Variants in ANKRD26 observed in about 807,000 individuals in gnomAD.
The protein encoded by ANKRD26 is ankyrin repeat domain-containing protein 26.
Under a neutral mutation model 208.7 loss-of-function variants are expected in ANKRD26, and 141 were observed. The observed-to-expected ratio is 0.68, with a 90% CI of 0.59 to 0.78. The LOEUF is 0.78. Ranked by LOEUF, ANKRD26 falls within the 30% of genes least tolerant of loss-of-function variation. The pLI is 0.00. For synonymous variants in ANKRD26, 636 were observed against 660.4 expected (o/e 0.96, Z 0.57); for missense variants, 1,889 against 1,938.7 (o/e 0.97, Z 0.48).
At chr10:26,973,450 T>C (rs1297765142), downstream of ANKRD26, among the ~76,000 whole-genome samples, 7 of 151,634 alleles carry the variant, frequency 4.6e-5, no homozygotes, top group African/African-American at 1.7e-4. Flanking sequence ...GCCATATATA[T>C]CTTTCCTTTT....
chr10:27,094,353 TAGC>T (rs1372795677), intron 1 of ANKRD26, among the ~76,000 whole-genome samples: 1 of 151,096 alleles, frequency 6.6e-6, no homozygotes. Flanking sequence ...CAATATTTAT[TAGC>T]TCTTACTACT....
At chr10:26,955,548 A>G in the ANKRD26 span, among the ~76,000 whole-genome samples, 2,540 of 152,250 alleles carry the variant, frequency 0.017, 159 homozygotes, top group East Asian at 0.17. Flanking sequence ...TCCATGAGTG[A>G]GAAGATCTTT....
rs1170486325 is a variant in ANKRD26 at position 27,017,600 on chromosome 10, C to G, written c.4408G>C (p.Val1470Leu). Reference sequence around the variant, plus strand: ...TACTGTTTGACTTGACCAAGTTCTACCATATTCCTTTCTATATGACTTCTC... The same window carrying G: ...TACTGTTTGACTTGACCAAGTTCTAGCATATTCCTTTCTATATGACTTCTC... The part of the protein sequence containing the change: ...NLRSHIERNM[V>L]ELGQVKQYKQ... Residue 1470 changes from valine to leucine, a missense_variant, in exon 30 of 34, where the codon GTA (valine) becomes CTA (leucine). Physicochemically the swap from Val to Leu is conservative, Grantham distance 32. Around this residue, in one of 3 missense-constraint regions of ANKRD26, gnomAD observed 613 missense variants for 648.2 expected, o/e 0.95. Coordinates refer to ENST00000376087, the MANE Select transcript of ANKRD26 (RefSeq NM_014915.3). The G allele has an allele frequency of 1.9e-6, 3 of 1,613,512 alleles. No individual in the cohort carries two copies. The African/African-American group carries it at 4.0e-5, about 22-fold the overall frequency.
intron 3 of ANKRD26, among the ~76,000 whole-genome samples, chr10:26,985,486 T>C (rs1185430180): frequency 2.0e-5 from 3 of 152,190 alleles, no homozygotes; most frequent in Non-Finnish European, 4.4e-5. Context: ...ATTTGGGCTA[T>C]GCTCTGGGTT....
At chr10:27,079,249 C>A in intron 6 of ANKRD26, 88 bp from the exon 7 acceptor site, 1 of 1,159,488 alleles carries the variant, frequency 8.6e-7, no homozygotes. Flanking sequence ...TCTGGATGCC[C>A]CCTCCAAAAA....
chr10:26,983,723 G>C (rs898885137), intron 3 of ANKRD26, among the ~76,000 whole-genome samples: 8 of 152,268 alleles, frequency 5.3e-5, no homozygotes, highest in Non-Finnish European at 1.5e-5. Context: ...ACTGGATGGG[G>C]GGATACTTAG....
chr10:27,024,634 G>A, intron 27 of ANKRD26, 75 bp from the exon 28 acceptor site: 1 of 795,416 alleles, frequency 1.3e-6, no homozygotes, highest in Non-Finnish European at 2.1e-6. Flanking sequence ...TATTTCTTAT[G>A]AGTTCATGAG....
chr10:26,975,842 A>AAAAT (rs931898692), exon 6 of ANKRD26, among the ~76,000 whole-genome samples: 9 of 151,568 alleles, frequency 5.9e-5, no homozygotes, highest in South Asian at 4.2e-4. Flanking sequence ...TATCCACCTT[A>AAAAT]AAATAAATAA....
At chr10:27,085,810 T>C (rs1212280054) in intron 5 of ANKRD26, among the ~76,000 whole-genome samples, 1 of 152,172 alleles carries the variant, frequency 6.6e-6, no homozygotes, top group Non-Finnish European at 1.5e-5. Context: ...CATCTTCCTC[T>C]TATTTCTCAG....
chr10:27,079,778 G>A (rs1351275413), intron 6 of ANKRD26, among the ~76,000 whole-genome samples: 5 of 152,078 alleles, frequency 3.3e-5, no homozygotes, highest in African/African-American at 7.2e-5. Context: ...GCTTGAACCC[G>A]GGAGGCAGAG....
At chr10:26,994,365 A>T (rs915326798) in intron 5 of ANKRD26, among the ~76,000 whole-genome samples, 8 of 152,190 alleles carry the variant, frequency 5.3e-5, no homozygotes, top group Non-Finnish European at 1.0e-4. Context: ...ACACCAGGAT[A>T]TCATTTTCTC....
rs560038474 is a variant in ANKRD26 at position 27,087,766 on chromosome 10, C to T, written c.639-1157G>A. On this transcript the variant is annotated intron_variant, in intron 4 of 33. Coordinates refer to ENST00000376087, the MANE Select transcript of ANKRD26 (RefSeq NM_014915.3). ...TGCTTAATCTTCATGTTCATCATTC[C>T]AACTGACGTGGAAAACAAAACTCTA... Among the ~76,000 whole-genome samples, 3 of 152,290 alleles carry T rather than the reference C, an allele frequency of 2.0e-5. No homozygotes were observed. The South Asian group carries it at 6.2e-4, about 32-fold the overall frequency.
At chr10:27,045,891 G>A (rs2054425244) in intron 18 of ANKRD26, among the ~76,000 whole-genome samples, 1 of 152,074 alleles carries the variant, frequency 6.6e-6, no homozygotes, top group Non-Finnish European at 1.5e-5. Context: ...ATTAATAGAA[G>A]TTCTAAGGAC....
chr10:27,048,949 T>C lies in ANKRD26; in HGVS notation c.1666A>G (p.Asn556Asp). 6.2e-7 allele frequency: 1 copy of C among 1,607,636 alleles called. No individual in the cohort carries two copies. Among genetic ancestry groups the C allele is most frequent in the Non-Finnish European group, 8.5e-7 (1 of 1,176,374 alleles). The change falls in exon 17 of 34, where the codon AAT becomes GAT. Residue 556 changes from asparagine (N) to aspartate (D), a missense_variant. By Grantham distance (23) the Asn-to-Asp change is conservative. Around this residue, in one of 3 missense-constraint regions of ANKRD26, gnomAD observed 1,272 missense variants for 1,273.8 expected, o/e 1.00. Coordinates refer to ENST00000376087, the MANE Select transcript of ANKRD26 (RefSeq NM_014915.3). ...VEEERKKHRN[N>D]EMEVSANIHD... ...ATGTTTGCTGATACTTCCATTTCAT[T>C]ATTTCTGTGTTTTTTCCTTTCTTCT...
Position 27,013,034 on chromosome 10 carries a change from G to C in ANKRD26, c.4801C>G (p.Leu1601Val), listed in dbSNP as rs992043088. 2 of 1,614,078 alleles carry C rather than the reference G, an allele frequency of 1.2e-6. No individual in the cohort carries two copies. The highest frequency in any genetic ancestry group is 1.7e-6 in the Non-Finnish European group (2 of 1,179,970). Residue 1601 changes from leucine (L) to valine (V), a missense_variant, in exon 32 of 34, where the codon CTC (leucine) becomes GTC (valine). By Grantham distance (32) the Leu-to-Val change is conservative. Coordinates refer to ENST00000376087, the MANE Select transcript of ANKRD26 (RefSeq NM_014915.3). ...KQQSRSLFTT[L>V]TTRPVMEPPC... is the part of the protein sequence containing the mutation. The stretch of plus-strand genomic sequence containing the variant: ...GGCTCCATGACTGGCCTGGTAGTGA[G>C]AGTGGTGAACAAAGATCTGCTCTGC...
chr10:27,013,226 A>G lies in ANKRD26; in HGVS notation c.4725-116T>C, dbSNP rs931612933. 1.2e-5 allele frequency: 11 copies of G among 887,466 alleles called. No homozygotes were observed. In the East Asian group the frequency reaches 2.9e-4, roughly 23 times the overall value. The allele number at this position is 887,466 out of a possible 1,614,324, so 55.0% of individuals were successfully genotyped here. A position where few individuals can be genotyped will look rare whatever the true frequency, so the allele number is the denominator to read the frequency against. On this transcript the variant is annotated intron_variant, in intron 31 of 33. Coordinates refer to ENST00000376087, the MANE Select transcript of ANKRD26 (RefSeq NM_014915.3). ...GAGTAAATGAAATTTCCCATTAACCAGTATTTTAACACTGAAAAATGTGTC... is the reference window on the plus strand; with the variant it reads ...GAGTAAATGAAATTTCCCATTAACCGGTATTTTAACACTGAAAAATGTGTC...
At chr10:27,039,015 CT>C (rs2054139493) in intron 21 of ANKRD26, among the ~76,000 whole-genome samples, 1 of 152,134 alleles carries the variant, frequency 6.6e-6, no homozygotes, top group Non-Finnish European at 1.5e-5. Flanking sequence ...AAAACAGGAT[CT>C]AATATTTAAG....
chr10:26,994,179 G>C (rs1056618319), intron 5 of ANKRD26, among the ~76,000 whole-genome samples: 3 of 152,138 alleles, frequency 2.0e-5, no homozygotes, highest in Non-Finnish European at 4.4e-5. Flanking sequence ...CTCTAAATTT[G>C]TGGATAAAAT....
rs748302380 is a variant in ANKRD26, at chr10:27,013,033, A to G, written c.4802T>C (p.Leu1601Pro). ...KQQSRSLFTT[L>P]TTRPVMEPPC... is the part of the protein sequence containing the mutation. ...TGGCTCCATGACTGGCCTGGTAGTGAGAGTGGTGAACAAAGATCTGCTCTG... is the reference window on the plus strand; with the variant it reads ...TGGCTCCATGACTGGCCTGGTAGTGGGAGTGGTGAACAAAGATCTGCTCTG... The change falls in exon 32 of 34, where the codon CTC becomes CCC. Residue 1601 changes from leucine (L) to proline (P), a missense_variant. By Grantham distance (98) the Leu-to-Pro change is moderately conservative. This residue lies in a region of ANKRD26 where 613 missense variants were observed against 648.2 expected (regional missense o/e 0.95). Coordinates refer to ENST00000376087, the MANE Select transcript of ANKRD26 (RefSeq NM_014915.3). 1 of 1,614,078 alleles carries G rather than the reference A, an allele frequency of 6.2e-7. No homozygotes were observed. The highest frequency in any genetic ancestry group is 8.5e-7 in the Non-Finnish European group (1 of 1,179,982).
Sources: gnomAD v4.1 joint callset for allele counts (sites outside exome capture counted in the v4.1 genomes callset) on GRCh38, gnomAD v4.1.1 for gene constraint, gnomAD v4.1.1 regional missense constraint, MANE v1.5 for transcripts, NCBI Gene and HGNC (gene_info 2026-07-23, HGNC 2026-07-21) for gene names.